RIT2: variants seen among roughly 807,000 people sequenced by gnomAD.
The protein encoded by RIT2 is Ras like without CAAX 2.
In RIT2, 24 loss-of-function variants were observed where a neutral mutation model predicts 23.7. The ratio of observed to expected loss-of-function variants is 1.01; its 90% CI spans 0.73 to 1.43. The LOEUF is 1.43. Ranked by LOEUF, RIT2 falls within the 40% of genes most tolerant of loss-of-function variation. The probability of loss-of-function intolerance (pLI) is 0.00; values close to 1 mark genes in which losing one functional copy is unlikely to be tolerated. For synonymous variants in RIT2, 107 were observed against 91.1 expected, an observed-to-expected ratio of 1.17 and a Z score of -0.99; for missense variants, 236 against 266.9, an observed-to-expected ratio of 0.88 and a Z score of 0.81.
intron 4 of RIT2, among the ~76,000 whole-genome samples, chr18:42,863,328 A>G (rs759729865): frequency 1.2e-4 from 19 of 152,140 alleles, no homozygotes; most frequent in Admixed American, 3.9e-4. Context: ...TAGACTTCTC[A>G]TCATTCGAAA....
At chr18:42,895,231 A>G (rs555458092) in intron 4 of RIT2, among the ~76,000 whole-genome samples, 1 of 152,244 alleles carries the variant, frequency 6.6e-6, no homozygotes, top group East Asian at 1.9e-4. Context: ...CTGTTTTATA[A>G]TACTCAGAGC....
chr18:43,053,361 C>A (rs184564664), intron 1 of RIT2, among the ~76,000 whole-genome samples: 152 of 151,986 alleles, frequency 1.0e-3, no homozygotes, highest in East Asian at 5.8e-3. Context: ...CAATCCCAGG[C>A]AGTCAGCCCA....
intron 1 of RIT2, among the ~76,000 whole-genome samples, chr18:43,057,767 G>A (rs533059983): frequency 4.8e-5 from 7 of 145,358 alleles, no homozygotes; most frequent in African/African-American, 1.8e-4. Context: ...ATTTTCTCTA[G>A]CAATGGAGCT....
At chr18:43,004,031 T>C (rs746160979) in intron 2 of RIT2, among the ~76,000 whole-genome samples, 3 of 151,772 alleles carry the variant, frequency 2.0e-5, no homozygotes, top group African/African-American at 7.3e-5. Context: ...GTACTGATTT[T>C]TCCCCCCGCC....
intron 4 of RIT2, among the ~76,000 whole-genome samples, chr18:42,808,993 C>T (rs1030311899): frequency 2.0e-5 from 3 of 152,080 alleles, no homozygotes; most frequent in African/African-American, 2.4e-5. Flanking sequence ...TTAGAATGTA[C>T]GCACATTGGG....
chr18:42,894,781 C>A (rs1029000207), intron 4 of RIT2, among the ~76,000 whole-genome samples: 6 of 152,202 alleles, frequency 3.9e-5, no homozygotes, highest in Admixed American at 3.3e-4. Context: ...ATCACATTGA[C>A]TGACTTTTCT....
At chr18:43,025,614 TCACA>T (rs146270609) in intron 2 of RIT2, among the ~76,000 whole-genome samples, 13 of 151,954 alleles carry the variant, frequency 8.6e-5, no homozygotes, top group African/African-American at 3.1e-4. Context: ...GATATATATG[TCACA>T]CACACACATA....
chr18:42,977,155 T>G (rs1314116101), intron 2 of RIT2, among the ~76,000 whole-genome samples: 1 of 152,076 alleles, frequency 6.6e-6, no homozygotes, highest in Non-Finnish European at 1.5e-5. Context: ...AAGCTCTGGA[T>G]AAAGCTCTAA....
intron 4 of RIT2, among the ~76,000 whole-genome samples, chr18:42,880,734 T>C (rs559512601): frequency 3.7e-4 from 57 of 152,120 alleles, no homozygotes; most frequent in African/African-American, 1.3e-3. Flanking sequence ...GACTTCACCC[T>C]TCTGTTTCGG....
intron 1 of RIT2, among the ~76,000 whole-genome samples, chr18:43,098,200 G>T (rs1268146126): frequency 6.6e-6 from 1 of 151,952 alleles, no homozygotes; most frequent in East Asian, 1.9e-4. Flanking sequence ...TGAGAAACTT[G>T]CAGTGTTGGA....
At chr18:42,789,871 G>A (rs1036762896) in intron 4 of RIT2, among the ~76,000 whole-genome samples, 6 of 152,298 alleles carry the variant, frequency 3.9e-5, no homozygotes, top group Admixed American at 1.3e-4. Flanking sequence ...GAACAGGAGT[G>A]GGGAAAGTAG....
intron 1 of RIT2, among the ~76,000 whole-genome samples, chr18:43,112,667 G>T (rs143865192): frequency 0.014 from 2,150 of 152,256 alleles, 73 homozygotes; most frequent in African/African-American, 0.049. Context: ...ACTTTGGGGG[G>T]CTGAGGCAGG....
At position 43,073,252 on chromosome 18, in the gene RIT2, A is replaced by T. The variant is rs1195424011; in HGVS notation, c.104-39385T>A. Among the ~76,000 whole-genome samples, 3 of 152,298 alleles carry T rather than the reference A, an allele frequency of 2.0e-5. No homozygotes were observed. In the East Asian group the frequency reaches 5.8e-4, roughly 29 times the overall value. On this transcript the variant is annotated intron_variant, in intron 1 of 4. Transcript: ENST00000326695. ...ATCAGTCCTCACTGACCCTCTGAAG[A>T]TTCCTCCACTTGTTTGCCGTTTATG...
At chr18:42,778,652 T>C (rs1280359384) in intron 4 of RIT2, among the ~76,000 whole-genome samples, 4 of 151,230 alleles carry the variant, frequency 2.6e-5, no homozygotes, top group Non-Finnish European at 4.4e-5. Context: ...CAGTCACCAT[T>C]ACCAGCTCTA....
At chr18:42,956,654 G>C (rs921138110) in intron 3 of RIT2, among the ~76,000 whole-genome samples, 3 of 151,936 alleles carry the variant, frequency 2.0e-5, no homozygotes, top group Non-Finnish European at 4.4e-5. Flanking sequence ...ACCATCAATG[G>C]GCAACAGGAA....
chr18:42,837,162 T>C (rs1333789731), intron 4 of RIT2, among the ~76,000 whole-genome samples: 14 of 94,326 alleles, frequency 1.5e-4, no homozygotes, highest in Admixed American at 2.0e-4. Flanking sequence ...TCTTTTTTTT[T>C]TTTTTTTTTT....
At chr18:42,966,039 G>A (rs904666228) in intron 3 of RIT2, among the ~76,000 whole-genome samples, 3 of 152,164 alleles carry the variant, frequency 2.0e-5, no homozygotes, top group Middle Eastern at 3.4e-3. Context: ...AACCTCTTCT[G>A]AGCCCCAGTG....
chr18:43,005,549 C>G (rs930415298), intron 2 of RIT2, among the ~76,000 whole-genome samples: 3 of 151,698 alleles, frequency 2.0e-5, no homozygotes, highest in African/African-American at 4.8e-5. Flanking sequence ...TGGGCAGTGA[C>G]AGCATTGCCC....
intron 3 of RIT2, among the ~76,000 whole-genome samples, chr18:42,933,664 C>T (rs1398759441): frequency 6.6e-6 from 1 of 152,120 alleles, no homozygotes; most frequent in East Asian, 1.9e-4. Flanking sequence ...TATTTACTTC[C>T]TATTCCACCA....
Sources: allele counts gnomAD v4.1 joint callset (sites outside exome capture counted in the v4.1 genomes callset), GRCh38; gene constraint gnomAD v4.1.1; transcripts MANE v1.5; gene names NCBI Gene and HGNC (gene_info 2026-07-23, HGNC 2026-07-21).